RNF212B: variants seen among roughly 807,000 people sequenced by gnomAD.
The protein encoded by RNF212B is E3 ubiquitin-protein ligase RNF212B.
Under a neutral mutation model 55.5 loss-of-function variants are expected in RNF212B, and 52 were observed. That is an observed-to-expected ratio of 0.94 (90% confidence interval 0.75 to 1.18). The LOEUF is 1.18. Among genes scored for constraint, RNF212B ranks in the 50% most tolerant of loss-of-function variants. The pLI is 0.00. For missense variants in RNF212B, 289 were observed against 350.4 expected (o/e 0.82, Z 1.40); for synonymous variants, 99 against 121.4 (o/e 0.82, Z 1.21).
intron 2 of RNF212B, among the ~76,000 whole-genome samples, chr14:23,227,881 G>A (rs1261922260): frequency 6.6e-6 from 1 of 151,314 alleles, no homozygotes; most frequent in Non-Finnish European, 1.5e-5. Flanking sequence ...TTACAGGCTT[G>A]AGTCACCACA....
intron 4 of RNF212B, 24 bp from the exon 5 acceptor site, chr14:23,258,525 C>A: frequency 8.0e-7 from 1 of 1,245,082 alleles, no homozygotes; most frequent in Non-Finnish European, 1.1e-6. Context: ...GAGAGTATGT[C>A]AAAGGCTTGT....
chr14:23,197,452 G>A (rs371851418), intron 2 of RNF212B, among the ~76,000 whole-genome samples: 1 of 152,124 alleles, frequency 6.6e-6, no homozygotes, highest in African/African-American at 2.4e-5. Context: ...GCTTGAACCC[G>A]GGAGGCGGAG....
At chr14:23,225,167 G>A (rs905270095) in intron 2 of RNF212B, among the ~76,000 whole-genome samples, 8 of 152,094 alleles carry the variant, frequency 5.3e-5, no homozygotes, top group Admixed American at 1.3e-4. Context: ...AAGTGCTGGC[G>A]AGGATGTGGA....
chr14:23,193,275 T>C (rs1463896235), intron 1 of RNF212B: 3 of 152,094 alleles, frequency 2.0e-5, no homozygotes, highest in Non-Finnish European at 4.4e-5. Flanking sequence ...AAATAAAATC[T>C]CTATCAAAAT....
rs546606857 is a variant in RNF212B, at chr14:23,195,857, A to G, written c.-2+2456A>G. Among the ~76,000 whole-genome samples the G allele has an allele frequency of 2.2e-3, 332 of 152,334 alleles. 1 individual carries two copies. The highest frequency in any genetic ancestry group is 2.6e-3 in the Non-Finnish European group (176 of 68,030). ...CAAGGTAAACGTTGTTTTGCATTTT[A>G]CAAAGGAGGAAACGGGTTCAAAATT... On this transcript the variant is annotated intron_variant, in intron 2 of 15. Coordinates refer to the RNF212B transcript ENST00000399910.
At chr14:23,240,477 A>G in intron 2 of RNF212B, 32 bp downstream of exon 2, 8 of 1,423,020 alleles carry the variant, frequency 5.6e-6, no homozygotes, top group Non-Finnish European at 7.7e-6. Context: ...AGATTCAGGG[A>G]AAAATGTTTT....
chr14:23,213,686 GCTC>G (rs1880780461), intron 2 of RNF212B, among the ~76,000 whole-genome samples: 1 of 139,682 alleles, frequency 7.2e-6, no homozygotes, highest in African/African-American at 3.2e-5. Flanking sequence ...GGAACTGTGT[GCTC>G]TACCTAAACA....
chr14:23,251,958 G>T (rs1230661936), intron 4 of RNF212B, among the ~76,000 whole-genome samples: 1 of 152,160 alleles, frequency 6.6e-6, no homozygotes, highest in Non-Finnish European at 1.5e-5. Flanking sequence ...TCACCAACTT[G>T]GTAACTCTCT....
intron 4 of RNF212B, among the ~76,000 whole-genome samples, chr14:23,257,956 A>G (rs1884971351): frequency 6.6e-6 from 1 of 152,180 alleles, no homozygotes; most frequent in South Asian, 2.1e-4. Context: ...AGCTTGAAAA[A>G]CAGTTTTAAA....
intron 2 of RNF212B, among the ~76,000 whole-genome samples, chr14:23,195,369 G>A (rs2140360434): frequency 6.6e-6 from 1 of 152,166 alleles, no homozygotes; most frequent in East Asian, 1.9e-4. Flanking sequence ...AATGAATTAA[G>A]CTATCAGAGG....
chr14:23,231,460 C>A (rs551905895), intron 2 of RNF212B, among the ~76,000 whole-genome samples: 1 of 152,308 alleles, frequency 6.6e-6, no homozygotes, highest in African/African-American at 2.4e-5. Flanking sequence ...CCATACCTCA[C>A]ACCATGTAGA....
intron 1 of RNF212B, among the ~76,000 whole-genome samples, chr14:23,187,542 C>A (rs117684525): frequency 6.6e-6 from 1 of 152,236 alleles, no homozygotes; most frequent in African/African-American, 2.4e-5. Flanking sequence ...ACAAGTTAGA[C>A]GTGTCTGCTA....
chr14:23,247,070 G>A lies in RNF212B; in HGVS notation c.228+2674G>A, dbSNP rs541780474. ...CAGGAGAATCACTTGAACCTGGGAG[G>A]TGGAGACTGCGGTGAGCCAAGATCG... On this transcript the variant is annotated intron_variant, in intron 4 of 14. Transcript: ENST00000430154. Among the ~76,000 whole-genome samples the A allele has an allele frequency of 2.6e-5, 4 of 151,860 alleles. No homozygotes were observed. The East Asian group carries it at 7.7e-4, about 29-fold the overall frequency.
intron 2 of RNF212B, among the ~76,000 whole-genome samples, chr14:23,193,777 G>C (rs1033719518): frequency 6.6e-6 from 1 of 151,036 alleles, no homozygotes; most frequent in Admixed American, 6.6e-5. Context: ...AGAATGGAAA[G>C]AGAAGAAGAG....
intron 2 of RNF212B, among the ~76,000 whole-genome samples, chr14:23,208,974 G>A (rs1351347002): frequency 1.3e-5 from 2 of 151,614 alleles, no homozygotes; most frequent in Non-Finnish European, 3.0e-5. Context: ...TAGCCGGGAT[G>A]GTCTCGATCT....
At chr14:23,233,834 T>C (rs1800220283), upstream of RNF212B, among the ~76,000 whole-genome samples, 1 of 151,736 alleles carries the variant, frequency 6.6e-6, no homozygotes, top group Non-Finnish European at 1.5e-5. Context: ...TGGTGGCTCA[T>C]GCCTGTAATC....
chr14:23,229,680 T>C (rs959336554), intron 2 of RNF212B, among the ~76,000 whole-genome samples: 1 of 152,234 alleles, frequency 6.6e-6, no homozygotes, highest in Non-Finnish European at 1.5e-5. Flanking sequence ...CACTTCTATA[T>C]CTTCTTTGTA....
intron 2 of RNF212B, among the ~76,000 whole-genome samples, chr14:23,222,140 G>A (rs1411386178): frequency 6.6e-6 from 1 of 151,840 alleles, no homozygotes; most frequent in Non-Finnish European, 1.5e-5. Context: ...ATATGGATCA[G>A]AGCAGAAATA....
intron 13 of RNF212B, 44 bp downstream of exon 13, chr14:23,270,004 G>C: frequency 2.0e-6 from 2 of 1,017,724 alleles, no homozygotes; most frequent in East Asian, 2.6e-5. Context: ...TTCAACTATA[G>C]ACACATATAC....
Sources: allele counts gnomAD v4.1 joint callset (sites outside exome capture counted in the v4.1 genomes callset), GRCh38; gene constraint gnomAD v4.1.1; transcripts MANE v1.5; gene names NCBI Gene and HGNC (gene_info 2026-07-23, HGNC 2026-07-21).